PPP1R21: variants seen among roughly 807,000 people sequenced by gnomAD.
The protein encoded by PPP1R21 is protein phosphatase 1 regulatory subunit 21.
A neutral mutation model predicts 112.8 loss-of-function variants in PPP1R21; 85 were observed. The observed-to-expected ratio is 0.75, with a 90% confidence interval of 0.63 to 0.90. The LOEUF (loss-of-function observed/expected upper bound fraction) is 0.90, where lower values mean the gene tolerates loss of function less well. Ranked by LOEUF, PPP1R21 falls within the 40% of genes least tolerant of loss-of-function variation. The probability of loss-of-function intolerance (pLI) is 0.00; values close to 1 mark genes in which losing one functional copy is unlikely to be tolerated. For missense variants in PPP1R21, 1,199 were observed against 901.5 expected (o/e 1.33, Z -4.23); for synonymous variants, 381 against 322.3 (o/e 1.18, Z -1.95).
intron 18 of PPP1R21, among the ~76,000 whole-genome samples, chr2:48,506,792 A>C (rs1054841073): frequency 2.6e-5 from 4 of 152,090 alleles, no homozygotes; most frequent in African/African-American, 9.7e-5. Flanking sequence ...AAAAAATATA[A>C]AAAATTAGCT....
intron 9 of PPP1R21, among the ~76,000 whole-genome samples, chr2:48,470,672 C>T (rs1256323530): frequency 1.3e-5 from 2 of 152,054 alleles, no homozygotes; most frequent in Non-Finnish European, 2.9e-5. Flanking sequence ...TTTTGTCGTA[C>T]AGTCTTGATT....
In PPP1R21 at chr2:48,450,988, A is replaced by G; in HGVS notation, c.58-20A>G. ...AATTGCTTTATATTAGAAATTGATT[A>G]TTGCTTTCTCTGTTTTCAGCTTCGG... On this transcript the variant is annotated intron_variant, in intron 1 of 21. Coordinates refer to ENST00000294952, the MANE Select transcript of PPP1R21 (RefSeq NM_001135629.3). The G allele has an allele frequency of 6.2e-7, 1 of 1,609,672 alleles. No homozygotes were observed. Among genetic ancestry groups the G allele is most frequent in the South Asian group, 1.1e-5 (1 of 90,994 alleles).
intron 1 of PPP1R21, among the ~76,000 whole-genome samples, chr2:48,446,262 C>A (rs569688642): frequency 6.6e-6 from 1 of 152,278 alleles, no homozygotes; most frequent in African/African-American, 2.4e-5. Flanking sequence ...CAATCTTGGG[C>A]CATTTAGCCT....
intron 16 of PPP1R21, 44 bp from the exon 17 acceptor site, chr2:48,498,449 A>G: frequency 5.0e-6 from 8 of 1,603,464 alleles, no homozygotes; most frequent in Non-Finnish European, 6.8e-6. Context: ...ACTAAGGTTT[A>G]TCTGTATTAG....
At chr2:48,493,624 A>T (rs1377521917) in intron 15 of PPP1R21, among the ~76,000 whole-genome samples, 1 of 152,188 alleles carries the variant, frequency 6.6e-6, no homozygotes, top group Non-Finnish European at 1.5e-5. Flanking sequence ...TTAGATTTGG[A>T]TCTTTAATTC....
chr2:48,496,602 G>C (rs1669850318), intron 16 of PPP1R21, among the ~76,000 whole-genome samples: 1 of 152,052 alleles, frequency 6.6e-6, no homozygotes, highest in Non-Finnish European at 1.5e-5. Flanking sequence ...AGAGTCGCTG[G>C]GATTACAGGT....
Position 48,486,617 on chromosome 2 carries a change from A to C in PPP1R21, c.1319-14A>C, listed in dbSNP as rs371983985. 108 of 1,590,264 alleles carry C rather than the reference A, an allele frequency of 6.8e-5. No individual in the cohort carries two copies. Among genetic ancestry groups the C allele is most frequent in the Non-Finnish European group, 9.1e-5 (105 of 1,159,474 alleles). ...TATAGATAATAATGAATTTTCATGTAATTGCTTTTATAGATATTTCCAAAC... is the reference window on the plus strand; with the variant it reads ...TATAGATAATAATGAATTTTCATGTCATTGCTTTTATAGATATTTCCAAAC... On this transcript the variant is annotated splice_polypyrimidine_tract_variant and intron_variant, in intron 13 of 21. Transcript: ENST00000294952.
chr2:48,441,045 G>T (rs1250857424), intron 1 of PPP1R21, 35 bp downstream of exon 1: 1 of 1,490,788 alleles, frequency 6.7e-7, no homozygotes, highest in Non-Finnish European at 9.3e-7. Flanking sequence ...GGGGTCCCCC[G>T]CCCTGCGGCC....
chr2:48,454,475 C>A, intron 2 of PPP1R21, 120 bp from the exon 3 acceptor site: 1 of 1,253,840 alleles, frequency 8.0e-7, no homozygotes, highest in Non-Finnish European at 1.1e-6. Context: ...CACATACAAC[C>A]TGAATTTCCT....
intron 9 of PPP1R21, among the ~76,000 whole-genome samples, chr2:48,466,388 C>CT (rs962310439): frequency 2.0e-5 from 3 of 150,284 alleles, no homozygotes; most frequent in South Asian, 2.1e-4. Context: ...TTTTTTTTTT[C>CT]TTTTTTTTCC....
chr2:48,498,267 A>G (rs569142679), intron 16 of PPP1R21, among the ~76,000 whole-genome samples: 2 of 133,734 alleles, frequency 1.5e-5, no homozygotes, highest in African/African-American at 2.5e-5. Flanking sequence ...ATGTTTTTCA[A>G]TGAGTAGAGT....
chr2:48,443,228 T>C (rs1050672139), intron 1 of PPP1R21, among the ~76,000 whole-genome samples: 3 of 152,158 alleles, frequency 2.0e-5, no homozygotes, highest in African/African-American at 7.2e-5. Context: ...GAGTTGTCCC[T>C]GCAGTTCTGA....
chr2:48,510,123 G>C lies in PPP1R21; in HGVS notation c.2184+10G>C. 6.3e-7 allele frequency: 1 copy of C among 1,592,952 alleles called. No homozygotes were observed. Among genetic ancestry groups the C allele is most frequent in the Non-Finnish European group, 8.6e-7 (1 of 1,163,568 alleles). The stretch of plus-strand genomic sequence containing the variant: ...CATCAGCAGACTTCAGGTGAGTTAA[G>C]TGTTACCTGAATGGTTTTAATGTTT... On this transcript the variant is annotated intron_variant, in intron 20 of 21. Transcript: ENST00000294952.
In PPP1R21 at chr2:48,506,515, C is replaced by T. The variant is rs185231663; in HGVS notation, c.1969-754C>T. Among the ~76,000 whole-genome samples, 393 of 152,278 alleles carry T rather than the reference C, an allele frequency of 2.6e-3. 11 individuals are homozygous for T. The highest frequency in any genetic ancestry group is 4.7e-4 in the Non-Finnish European group (32 of 68,014). On this transcript the variant is annotated intron_variant, in intron 18 of 21. Coordinates refer to ENST00000294952, the MANE Select transcript of PPP1R21 (RefSeq NM_001135629.3). ...AGATTCTTTGATTTCTGTATTTATTCTTGTAATATAGATAATCATGAACTT... is the reference window on the plus strand; with the variant it reads ...AGATTCTTTGATTTCTGTATTTATTTTTGTAATATAGATAATCATGAACTT...
intron 17 of PPP1R21, chr2:48,502,076 T>C (rs1156434036): frequency 6.6e-6 from 1 of 152,182 alleles, no homozygotes; most frequent in African/African-American, 2.4e-5. Flanking sequence ...TTTTGGATTA[T>C]CTTTTTATTT....
intron 14 of PPP1R21, 21 bp from the exon 15 acceptor site, chr2:48,490,997 T>A: frequency 6.2e-7 from 1 of 1,608,142 alleles, no homozygotes; most frequent in Non-Finnish European, 8.5e-7. Context: ...AAAATCTATT[T>A]CCTTGTCATA....
At chr2:48,478,900 T>C (rs1465605539) in intron 12 of PPP1R21, among the ~76,000 whole-genome samples, 2 of 152,246 alleles carry the variant, frequency 1.3e-5, no homozygotes, top group South Asian at 4.1e-4. Flanking sequence ...AGAGCTCTTG[T>C]TTTAAGGCTT....
Position 48,465,718 on chromosome 2 carries a change from G to T in PPP1R21, c.897+76G>T, listed in dbSNP as rs544911798. ...TATTGTTTGTTTTTAGACCTCTTCT[G>T]TGCACCATCCAAGTACTGCAAAGGA... On this transcript the variant is annotated intron_variant, in intron 9 of 21. Transcript: ENST00000294952. 1,135 of 1,350,146 alleles carry T rather than the reference G, an allele frequency of 8.4e-4. 6 individuals carry two copies. Among genetic ancestry groups the T allele is most frequent in the Middle Eastern group, 5.8e-3 (30 of 5,214 alleles). 83.6% of individuals were successfully genotyped at this position (1,350,146 alleles called of 1,614,324 possible).
At chr2:48,460,987 C>T in intron 6 of PPP1R21, 151 bp from the exon 7 acceptor site, 3 of 1,322,656 alleles carry the variant, frequency 2.3e-6, no homozygotes, top group South Asian at 3.6e-5. Context: ...TTTTTGTTAT[C>T]TTCCTCTTTT....
Sources: allele counts gnomAD v4.1 joint callset (sites outside exome capture counted in the v4.1 genomes callset), GRCh38; gene constraint gnomAD v4.1.1; transcripts MANE v1.5; gene names NCBI Gene and HGNC (gene_info 2026-07-23, HGNC 2026-07-21).